The following RTN4 variants were observed in gnomAD, a reference collection of about 807,000 sequenced individuals.
RTN4 encodes the protein reticulon 4.
Under a neutral mutation model 90.4 loss-of-function variants are expected in RTN4, and 32 were observed. The ratio of observed to expected loss-of-function variants is 0.35; its 90% CI spans 0.27 to 0.48. The LOEUF (loss-of-function observed/expected upper bound fraction) is 0.48. Ranked by LOEUF, RTN4 falls within the 20% of genes least tolerant of loss-of-function variation. RTN4 has a pLI of 0.99. For missense variants in RTN4, 1,706 were observed against 1,430.2 expected (o/e 1.19, Z -3.11); for synonymous variants, 629 against 552.5 (o/e 1.14, Z -1.94).
At chr2:55,053,880 T>C (rs1450287868), upstream of RTN4, among the ~76,000 whole-genome samples, 1 of 152,216 alleles carries the variant, frequency 6.6e-6, no homozygotes, top group East Asian at 1.9e-4. Flanking sequence ...TCTCTTCCAT[T>C]ATCATGGTCT....
chr2:55,088,562 A>T (rs766163823), intron 1 of RTN4, among the ~76,000 whole-genome samples: 1 of 152,240 alleles, frequency 6.6e-6, no homozygotes, highest in Non-Finnish European at 1.5e-5. Context: ...TATTCATATG[A>T]TATGTAACAT....
the RTN4 span, among the ~76,000 whole-genome samples, chr2:55,118,807 C>T: frequency 1.3e-5 from 2 of 152,188 alleles, no homozygotes; most frequent in African/African-American, 2.4e-5. Flanking sequence ...CCGTTCTGTT[C>T]CCTGCTGTTC....
chr2:54,979,616 A>C lies in RTN4; in HGVS notation c.3360+2899T>G, dbSNP rs561826193. 1.2e-4 allele frequency among the ~76,000 whole-genome samples: 18 copies of C among 152,356 alleles called. No homozygotes were observed. In the South Asian group the frequency reaches 3.7e-3, roughly 32 times the overall value. ...AATGACATTAGGAAAGGGTTTAGCT[A>C]AATTCTTGTGTGGCAAAATCACAAG... On this transcript the variant is annotated intron_variant, in intron 5 of 8. Coordinates refer to ENST00000337526, the MANE Select transcript of RTN4 (RefSeq NM_020532.5).
At chr2:54,988,621 A>G (rs1348475034) in intron 3 of RTN4, among the ~76,000 whole-genome samples, 1 of 152,212 alleles carries the variant, frequency 6.6e-6, no homozygotes, top group African/African-American at 2.4e-5. Flanking sequence ...AGAATTTCCT[A>G]CAAAGAAAAA....
chr2:55,130,664 T>A, the RTN4 span, among the ~76,000 whole-genome samples: 6 of 152,286 alleles, frequency 3.9e-5, no homozygotes, highest in East Asian at 1.2e-3. Flanking sequence ...GGCGGGAGGA[T>A]CTCTTGAACC....
chr2:55,074,778 GTAAGTCAA>G (rs1668573446), intron 2 of RTN4, among the ~76,000 whole-genome samples: 1 of 152,164 alleles, frequency 6.6e-6, no homozygotes. Flanking sequence ...TTTAACATCT[GTAAGTCAA>G]TAAATGTGAT....
chr2:55,083,678 C>T (rs1359768586), intron 1 of RTN4, among the ~76,000 whole-genome samples: 5 of 152,190 alleles, frequency 3.3e-5, no homozygotes, highest in Non-Finnish European at 7.4e-5. Flanking sequence ...ATTGTGTTTT[C>T]ACATACAATT....
intron 1 of RTN4, among the ~76,000 whole-genome samples, chr2:55,035,241 G>A (rs1029174410): frequency 5.3e-5 from 8 of 151,950 alleles, no homozygotes; most frequent in Non-Finnish European, 8.8e-5. Flanking sequence ...AAGTACATAT[G>A]GAACATTCAC....
intron 4 of RTN4, among the ~76,000 whole-genome samples, chr2:54,984,120 G>T (rs1678361944): frequency 6.6e-6 from 1 of 152,044 alleles, no homozygotes; most frequent in Non-Finnish European, 1.5e-5. Flanking sequence ...TAGCCAGTTA[G>T]CCCCATCTCA....
At chr2:55,100,988 A>T (rs1489241965) in intron 1 of RTN4, among the ~76,000 whole-genome samples, 4 of 152,042 alleles carry the variant, frequency 2.6e-5, no homozygotes, top group African/African-American at 9.7e-5. Flanking sequence ...TGTCAAGAGG[A>T]AAGTGTGAAT....
intron 1 of RTN4, among the ~76,000 whole-genome samples, chr2:55,044,965 C>T (rs1008485182): frequency 6.6e-6 from 1 of 152,100 alleles, no homozygotes; most frequent in African/African-American, 2.4e-5. Context: ...GGGGAATGGA[C>T]AGGGCATGAC....
At chr2:55,123,020 A>G in the RTN4 span, among the ~76,000 whole-genome samples, 1 of 152,272 alleles carries the variant, frequency 6.6e-6, no homozygotes, top group Non-Finnish European at 1.5e-5. Context: ...TAAAATTATT[A>G]CAGCACTGCA....
intron 1 of RTN4, among the ~76,000 whole-genome samples, chr2:55,103,398 A>G (rs1394280260): frequency 1.3e-5 from 2 of 152,084 alleles, no homozygotes; most frequent in Non-Finnish European, 2.9e-5. Flanking sequence ...GACCTATTAT[A>G]TAGCATAGTG....
At chr2:55,053,736 G>C (rs1441813012), upstream of RTN4, among the ~76,000 whole-genome samples, 1 of 151,442 alleles carries the variant, frequency 6.6e-6, no homozygotes, top group Non-Finnish European at 1.5e-5. Flanking sequence ...TACCTCATCA[G>C]AAGTAGAAGA....
rs1668012835 is a variant in RTN4 at position 55,050,015 on chromosome 2, C to T, written c.286G>A (p.Ala96Thr). The T allele has an allele frequency of 1.4e-6, 2 of 1,382,932 alleles. No individual in the cohort carries two copies. The highest frequency in any genetic ancestry group is 3.3e-5 in the South Asian group (2 of 61,532). The allele number at this position is 1,382,932 out of a possible 1,614,324, so 85.7% of individuals were successfully genotyped here. ...VPPAPRGPLP[A>T]APPVAPERQP... ...CGCTCCGGGGCGACGGGGGGAGCGG[C>T]CGGCAGGGGTCCCCGGGGCGCCGGC... is the stretch of plus-strand genomic sequence containing the variant. The change falls in exon 1 of 9, where the codon GCC (alanine) becomes ACC (threonine). Residue 96 changes from alanine (A) to threonine (T), a missense_variant. Physicochemically the swap from Ala to Thr is moderately conservative, Grantham distance 58 (BLOSUM62 0). Coordinates refer to ENST00000337526, the MANE Select transcript of RTN4 (RefSeq NM_020532.5). The surrounding 1 kb of genome is among the most constrained non-coding windows in gnomAD (Gnocchi z 4.6).
intron 1 of RTN4, among the ~76,000 whole-genome samples, chr2:55,102,561 C>T (rs1667870255): frequency 6.6e-6 from 1 of 151,790 alleles, no homozygotes; most frequent in Non-Finnish European, 1.5e-5. Flanking sequence ...ATGTGAAATT[C>T]GTCCTTAGTT....
At chr2:55,051,640 T>C (rs1041485475), upstream of RTN4, among the ~76,000 whole-genome samples, 1 of 152,216 alleles carries the variant, frequency 6.6e-6, no homozygotes. Context: ...TCTAAATCTG[T>C]GCTGTACCTG....
chr2:55,036,599 C>CAAAAAAAAAAAAAAAAAAAAAAAAAA (rs71410411), intron 1 of RTN4, among the ~76,000 whole-genome samples: 1 of 72,988 alleles, frequency 1.4e-5, no homozygotes, highest in African/African-American at 5.4e-5. Flanking sequence ...AAGACTGTCT[C>CAAAAAAAAAAAAAAAAAAAAAAAAAA]AAAAAAAAAA....
At chr2:55,089,107 G>C (rs1385092704) in intron 1 of RTN4, among the ~76,000 whole-genome samples, 5 of 152,068 alleles carry the variant, frequency 3.3e-5, no homozygotes, top group African/African-American at 1.2e-4. Context: ...ATTTTTAATA[G>C]AGATGGGGTT....
Sources: allele counts gnomAD v4.1 joint callset (sites outside exome capture counted in the v4.1 genomes callset), GRCh38; gene constraint gnomAD v4.1.1; non-coding constraint Gnocchi (gnomAD v3.1); transcripts MANE v1.5; gene names NCBI Gene and HGNC (gene_info 2026-07-23, HGNC 2026-07-21).